Variants in LRRFIP1 observed in about 807,000 individuals in gnomAD.
The protein encoded by LRRFIP1 is leucine-rich repeat flightless-interacting protein 1.
A neutral mutation model predicts 104.4 loss-of-function variants in LRRFIP1; 62 were observed. The ratio of observed to expected loss-of-function variants is 0.59; its 90% CI spans 0.48 to 0.73. LRRFIP1 has a LOEUF of 0.73. Ranked by LOEUF, LRRFIP1 falls within the 30% of genes least tolerant of loss-of-function variation. The pLI, the probability that LRRFIP1 is intolerant of heterozygous loss-of-function variation, is 0.00. For missense variants in LRRFIP1, 796 were observed against 824.5 expected, an observed-to-expected ratio of 0.97 and a Z score of 0.42; for synonymous variants, 300 against 299.0, an observed-to-expected ratio of 1.00 and a Z score of -0.03.
intron 1 of LRRFIP1, among the ~76,000 whole-genome samples, chr2:237,655,102 C>CTTTTTTTTTTTT (rs1170742860): frequency 1.7e-5 from 1 of 58,244 alleles, no homozygotes; most frequent in African/African-American, 7.8e-5. Context: ...GATCTCACTT[C>CTTTTTTTTTTTT]TTTTTTTTTT....
In LRRFIP1 at chr2:237,631,859, T is replaced by C. The variant is rs1343381487; in HGVS notation, c.96+4119T>C. Among the ~76,000 whole-genome samples the C allele has an allele frequency of 2.0e-5, 3 of 152,224 alleles. No individual in the cohort carries two copies. The East Asian group carries it at 5.8e-4, about 29-fold the overall frequency. On this transcript the variant is annotated intron_variant, in intron 1 of 23. Coordinates refer to ENST00000308482, the MANE Select transcript of LRRFIP1 (RefSeq NM_001137550.2). ...ACAGTGCGGTGAGCTTATTATCCCC[T>C]GGTGGTGCCATAGGTACCCCTTCCT...
rs1255329042 is a variant in LRRFIP1, at chr2:237,627,622, GGC to G, written c.-22_-21del. On this transcript the variant is annotated 5_prime_UTR_variant, in exon 1 of 24. Transcript: ENST00000308482. ...GAGCGGCTGGAGCAACGGGCCCCGC[GGC>G]AGCTGCGGGCGACGCGGTCGATGGA... 2.4e-6 allele frequency: 3 copies of G among 1,276,256 alleles called. No homozygotes were observed. In the African/African-American group the frequency reaches 4.7e-5, roughly 20 times the overall value. 79.1% of individuals were successfully genotyped at this position (1,276,256 alleles called of 1,614,324 possible). A position where few individuals can be genotyped will look rare whatever the true frequency, so the allele number is the denominator to read the frequency against.
rs766097823 is a variant in LRRFIP1, at chr2:237,735,305, G to A, written c.527G>A (p.Arg176Gln). 32 of 1,613,346 alleles carry A rather than the reference G, an allele frequency of 2.0e-5. No individual in the cohort carries two copies. In the East Asian group the frequency reaches 2.5e-4, roughly 12 times the overall value. The change falls in exon 10 of 24, where the codon CGA (arginine) becomes CAA (glutamine). Residue 176 changes from arginine (R) to glutamine (Q), a missense_variant. Transcript: ENST00000308482. The surrounding 1 kb of genome is among the most constrained non-coding windows in gnomAD (Gnocchi z 4.6). Reference sequence around the variant, plus strand: ...GATGAAGGCAGCTTCGGTGGGACCCGACGGGGCAGCACCTCCGGCTCCCGT... The same window carrying A: ...GATGAAGGCAGCTTCGGTGGGACCCAACGGGGCAGCACCTCCGGCTCCCGT... ...VLDEGSFGGT[R>Q]RGSTSGSRAP...
chr2:237,738,454 G>A lies in LRRFIP1; in HGVS notation c.556-778G>A, dbSNP rs1028315951. On this transcript the variant is annotated intron_variant, in intron 10 of 23. Transcript: ENST00000308482. ...GGCGAGGCTTGCTATATGGTGCTGC[G>A]TGGGTCTCTCTTGAAGATGCTCCTC... 3.3e-5 allele frequency among the ~76,000 whole-genome samples: 5 copies of A among 152,216 alleles called. No individual in the cohort carries two copies. The East Asian group carries it at 5.8e-4, about 18-fold the overall frequency.
At chr2:237,755,666 G>C (rs1019877075) in intron 15 of LRRFIP1, among the ~76,000 whole-genome samples, 3 of 152,244 alleles carry the variant, frequency 2.0e-5, no homozygotes, top group Non-Finnish European at 4.4e-5. Context: ...AGGTGCAGTG[G>C]CTCATGCCTG....
At chr2:237,695,346 A>G (rs1035236195) in intron 1 of LRRFIP1, among the ~76,000 whole-genome samples, 1 of 152,178 alleles carries the variant, frequency 6.6e-6, no homozygotes, top group Non-Finnish European at 1.5e-5. Context: ...CAGGAAATCA[A>G]GTTATTTATA....
At position 237,766,014 on chromosome 2, in the gene LRRFIP1, C is replaced by G. The variant is rs1470919011; in HGVS notation, c.1460-3929C>G. The G allele has an allele frequency of 2.7e-6, 2 of 744,504 alleles. No individual in the cohort carries two copies. Among genetic ancestry groups the G allele is most frequent in the East Asian group, 1.3e-4 (1 of 7,698 alleles). The allele number at this position is 744,504 out of a possible 1,614,324, so 46.1% of individuals were successfully genotyped here. A position where few individuals can be genotyped will look rare whatever the true frequency, so the allele number is the denominator to read the frequency against. On this transcript the variant is annotated intron_variant, in intron 19 of 23. Coordinates refer to ENST00000308482, the MANE Select transcript of LRRFIP1 (RefSeq NM_001137550.2). This position sits in a 1 kb window ranked among gnomAD's most constrained non-coding sequence, Gnocchi z 4.8. The stretch of plus-strand genomic sequence containing the variant: ...AATATCTGCTTGGGGGTTGCTGATT[C>G]CTATTGGGGTTCCGTGGAAGACCCA...
intron 16 of LRRFIP1, among the ~76,000 whole-genome samples, chr2:237,757,074 A>T (rs919742659): frequency 6.6e-6 from 1 of 151,626 alleles, no homozygotes; most frequent in Non-Finnish European, 1.5e-5. Context: ...ATTTTAGCCC[A>T]TAAGACTCAT....
rs539611034 is a variant in LRRFIP1, at chr2:237,661,611, T to G, written c.96+33871T>G. ...TCCATGAAACCATCCTTGTCCTCAC[T>G]GTCGATGGAATTTTTCAGTGATACC... On this transcript the variant is annotated intron_variant, in intron 1 of 23. Transcript: ENST00000308482. The surrounding 1 kb of genome is among the most constrained non-coding windows in gnomAD (Gnocchi z 4.4). Among the ~76,000 whole-genome samples the G allele has an allele frequency of 6.6e-5, 10 of 152,280 alleles. No homozygotes were observed. In the South Asian group the frequency reaches 2.1e-3, roughly 32 times the overall value.
At chr2:237,724,685 G>A (rs747053689) in intron 7 of LRRFIP1, among the ~76,000 whole-genome samples, 6 of 152,152 alleles carry the variant, frequency 3.9e-5, no homozygotes, top group Non-Finnish European at 7.3e-5. Context: ...AATTCAATGT[G>A]TTAGCAACAT....
intron 11 of LRRFIP1, 143 bp downstream of exon 11, chr2:237,739,452 CG>C (rs2095349352): frequency 1.1e-5 from 9 of 782,952 alleles, no homozygotes; most frequent in Non-Finnish European, 1.8e-5. Context: ...TTTCAAGGAC[CG>C]TAAAAGAAAT....
intron 21 of LRRFIP1, chr2:237,772,653 G>T: frequency 3.4e-6 from 2 of 586,604 alleles, no homozygotes; most frequent in Admixed American, 3.1e-5. Flanking sequence ...GAGGTTTCCT[G>T]CCCCAAGCAC....
rs532167156 is a variant in LRRFIP1 at position 237,771,561 on chromosome 2, C to T, written c.1510-520C>T. Among the ~76,000 whole-genome samples, 34 of 97,682 alleles carry T rather than the reference C, an allele frequency of 3.5e-4. 2 individuals carry two copies. The highest frequency in any genetic ancestry group is 2.0e-3 in the Admixed American group (21 of 10,366). 64.1% of individuals were successfully genotyped at this position (97,682 alleles called of 152,430 possible). A position where few individuals can be genotyped will look rare whatever the true frequency, so the allele number is the denominator to read the frequency against. ...GGGTCCTGGAACCAATCCCCCCCCC[C>T]CCCCGCCCAGATACCAAGGGACAAC... On this transcript the variant is annotated intron_variant, in intron 20 of 23. Coordinates refer to ENST00000308482, the MANE Select transcript of LRRFIP1 (RefSeq NM_001137550.2).
chr2:237,736,201 T>C (rs1019373654), intron 10 of LRRFIP1, among the ~76,000 whole-genome samples: 1 of 152,234 alleles, frequency 6.6e-6, no homozygotes, highest in African/African-American at 2.4e-5. Flanking sequence ...ACCTACAGTT[T>C]TCTTTAAAAT....
rs183013203 is a variant in LRRFIP1, at chr2:237,761,906, T to C, written c.1459+1701T>C. 8.4e-4 allele frequency among the ~76,000 whole-genome samples: 128 copies of C among 152,340 alleles called. 1 individual carries two copies. Among genetic ancestry groups the C allele is most frequent in the African/African-American group, 2.8e-3 (115 of 41,574 alleles). ...TCTTTAGACGATGAATAATTTATCATTTAATTTAGTGGTCATCTTGATCTT... is the reference window on the plus strand; with the variant it reads ...TCTTTAGACGATGAATAATTTATCACTTAATTTAGTGGTCATCTTGATCTT... On this transcript the variant is annotated intron_variant, in intron 19 of 23. Transcript: ENST00000308482.
intron 1 of LRRFIP1, among the ~76,000 whole-genome samples, chr2:237,639,161 G>A (rs749865107): frequency 1.3e-5 from 2 of 152,222 alleles, no homozygotes; most frequent in Non-Finnish European, 2.9e-5. Flanking sequence ...AGCTCTAGAA[G>A]GAGGCAGTTG....
intron 1 of LRRFIP1, among the ~76,000 whole-genome samples, chr2:237,644,700 T>G (rs1214223090): frequency 6.6e-6 from 1 of 152,260 alleles, no homozygotes; most frequent in Non-Finnish European, 1.5e-5. Flanking sequence ...AATGTCTCTT[T>G]TCTGTTCTAG....
Position 237,671,570 on chromosome 2 carries a change from A to G in LRRFIP1, c.97-36974A>G, listed in dbSNP as rs184662464. ...CTGTGGTAGGATGAGCTGGGGTCAC[A>G]GGGACAAGGAAGACAGGTAAGGGGA... On this transcript the variant is annotated intron_variant, in intron 1 of 23. Transcript: ENST00000308482. 1.9e-3 allele frequency among the ~76,000 whole-genome samples: 287 copies of G among 152,268 alleles called. 1 individual carries two copies. The highest frequency in any genetic ancestry group is 3.2e-3 in the Non-Finnish European group (220 of 68,008).
At chr2:237,680,992 C>T (rs2091743778) in intron 1 of LRRFIP1, among the ~76,000 whole-genome samples, 2 of 151,998 alleles carry the variant, frequency 1.3e-5, no homozygotes, top group Middle Eastern at 3.4e-3. Context: ...AAAACAACAA[C>T]AACAATGACA....
Sources: gnomAD v4.1 joint callset for allele counts (sites outside exome capture counted in the v4.1 genomes callset) on GRCh38, gnomAD v4.1.1 for gene constraint, Gnocchi (gnomAD v3.1) non-coding constraint, MANE v1.5 for transcripts, NCBI Gene and HGNC (gene_info 2026-07-23, HGNC 2026-07-21) for gene names.